COL21A1: variants seen among roughly 807,000 people sequenced by gnomAD.
COL21A1 encodes collagen alpha-1(XXI) chain.
A neutral mutation model predicts 137.9 loss-of-function variants in COL21A1; 149 were observed. The observed-to-expected ratio is 1.08, with a 90% CI of 0.95 to 1.24. The LOEUF (loss-of-function observed/expected upper bound fraction) is 1.24, where lower values mean the gene tolerates loss of function less well. Ranked by LOEUF, COL21A1 falls within the 50% of genes most tolerant of loss-of-function variation. The probability of loss-of-function intolerance (pLI) is 0.00; values close to 1 mark genes in which losing one functional copy is unlikely to be tolerated. For missense variants in COL21A1, 1,167 were observed against 1,158.4 expected (o/e 1.01, Z -0.11); for synonymous variants, 456 against 391.5 (o/e 1.16, Z -1.95).
intron 12 of COL21A1, among the ~76,000 whole-genome samples, chr6:56,136,775 A>C (rs2152230567): frequency 6.6e-6 from 1 of 152,340 alleles, no homozygotes; most frequent in African/African-American, 2.4e-5. Context: ...CATGTCCAAA[A>C]GTCTTTTACT....
chr6:56,274,147 C>A (rs1164763143), intron 1 of COL21A1, among the ~76,000 whole-genome samples: 1 of 152,148 alleles, frequency 6.6e-6, no homozygotes, highest in Non-Finnish European at 1.5e-5. Flanking sequence ...ACAGAAAAAG[C>A]TTTCAATAAA....
At chr6:56,164,776 A>G in intron 8 of COL21A1, 38 bp downstream of exon 8, 3 of 1,533,724 alleles carry the variant, frequency 2.0e-6, no homozygotes, top group Non-Finnish European at 2.7e-6. Context: ...CCACAATACA[A>G]ATATTACCTT....
chr6:56,180,409 C>T (rs1024469113), intron 2 of COL21A1, among the ~76,000 whole-genome samples: 3 of 152,092 alleles, frequency 2.0e-5, no homozygotes, highest in Non-Finnish European at 2.9e-5. Flanking sequence ...GTTAAATGAA[C>T]CAAGATCACC....
intron 29 of COL21A1, among the ~76,000 whole-genome samples, chr6:56,058,145 AATCTTATTTCTTCCTTTC>A (rs1765489087): frequency 6.6e-6 from 1 of 152,106 alleles, no homozygotes; most frequent in Non-Finnish European, 1.5e-5. Flanking sequence ...TGTATTGTCC[AATCTTATTTCTTCCTTTC>A]AGCCTATCTT....
At chr6:56,258,433 C>T (rs538078888) in intron 1 of COL21A1, among the ~76,000 whole-genome samples, 7 of 152,130 alleles carry the variant, frequency 4.6e-5, no homozygotes, top group Admixed American at 2.6e-4. Context: ...CTGCATCCAA[C>T]GGAGGACCTC....
intron 17 of COL21A1, among the ~76,000 whole-genome samples, chr6:56,099,595 C>G (rs1420890045): frequency 6.6e-6 from 1 of 151,896 alleles, no homozygotes; most frequent in Non-Finnish European, 1.5e-5. Context: ...CCCTCTTCCT[C>G]TTTTTCCTTC....
chr6:56,275,673 A>G (rs968429195), intron 1 of COL21A1, among the ~76,000 whole-genome samples: 1 of 152,160 alleles, frequency 6.6e-6, no homozygotes, highest in Admixed American at 6.5e-5. Context: ...AGTGAGATAG[A>G]TACCATCTCA....
chr6:56,261,057 C>A (rs867953834), intron 1 of COL21A1, among the ~76,000 whole-genome samples: 4 of 38,612 alleles, frequency 1.0e-4, no homozygotes, highest in African/African-American at 4.6e-4. Flanking sequence ...TGACACTTCA[C>A]TTTTTATAGA....
chr6:56,158,866 G>A (rs1014030493), intron 9 of COL21A1, among the ~76,000 whole-genome samples: 19 of 152,168 alleles, frequency 1.2e-4, no homozygotes, highest in South Asian at 4.1e-4. Flanking sequence ...AAGAAGAGCC[G>A]TAAATCCAAG....
intron 1 of COL21A1, among the ~76,000 whole-genome samples, chr6:56,254,401 A>G (rs1782922609): frequency 6.6e-6 from 1 of 152,212 alleles, no homozygotes; most frequent in South Asian, 2.1e-4. Flanking sequence ...ATTGAAATGT[A>G]TCTAAAGTGA....
rs777924256 is a variant in COL21A1, at chr6:56,170,630, T to G, written c.1026+19A>C. On this transcript the variant is annotated intron_variant, in intron 5 of 29. Transcript: ENST00000244728. ...CCCCATGAATATCATAATCATGGTA[T>G]TATCCCAGGCATCTTTACCTTAACT... 2.0e-6 allele frequency: 3 copies of G among 1,528,266 alleles called. No individual in the cohort carries two copies. Among genetic ancestry groups the G allele is most frequent in the African/African-American group, 2.7e-5 (2 of 73,408 alleles). 94.7% of individuals were successfully genotyped at this position (1,528,266 alleles called of 1,614,324 possible). A position where few individuals can be genotyped will look rare whatever the true frequency, so the allele number is the denominator to read the frequency against.
At chr6:56,326,169 T>A (rs1178926368) in intron 1 of COL21A1, among the ~76,000 whole-genome samples, 2 of 118,142 alleles carry the variant, frequency 1.7e-5, no homozygotes, top group Non-Finnish European at 3.9e-5. Flanking sequence ...AGATATGTTG[T>A]CTTTAATTAT....
At chr6:56,145,783 A>ACCCC (rs1016419179) in intron 10 of COL21A1, among the ~76,000 whole-genome samples, 9 of 151,422 alleles carry the variant, frequency 5.9e-5, no homozygotes, top group African/African-American at 2.2e-4. Flanking sequence ...TATCCACCCT[A>ACCCC]CCCCCATCTG....
chr6:56,254,783 T>C (rs1257327433), intron 1 of COL21A1, among the ~76,000 whole-genome samples: 2 of 152,192 alleles, frequency 1.3e-5, no homozygotes, highest in African/African-American at 2.4e-5. Flanking sequence ...TTTCTTCAAG[T>C]GCTGCAAAGG....
chr6:56,177,071 A>T (rs576403461), intron 3 of COL21A1, among the ~76,000 whole-genome samples: 1 of 151,938 alleles, frequency 6.6e-6, no homozygotes, highest in South Asian at 2.1e-4. Flanking sequence ...GTAGAAAAAG[A>T]AGTAGTAGTA....
At chr6:56,309,045 CTT>C (rs71809650) in intron 1 of COL21A1, among the ~76,000 whole-genome samples, 157 of 146,064 alleles carry the variant, frequency 1.1e-3, no homozygotes, top group Middle Eastern at 7.3e-3. Context: ...CCTCAATTAT[CTT>C]TTTTTTTTTT....
chr6:56,196,594 G>A (rs981924449), intron 1 of COL21A1, among the ~76,000 whole-genome samples: 4 of 151,968 alleles, frequency 2.6e-5, no homozygotes, highest in Non-Finnish European at 4.4e-5. Flanking sequence ...AACAAATTAA[G>A]AAAGGAATAT....
intron 1 of COL21A1, among the ~76,000 whole-genome samples, chr6:56,240,272 G>C (rs1175561731): frequency 6.6e-6 from 1 of 151,866 alleles, no homozygotes; most frequent in African/African-American, 2.4e-5. Context: ...GCTTTCAGCT[G>C]GCTTTCCCTT....
At chr6:56,382,893 C>T (rs1326672525) in intron 1 of COL21A1, among the ~76,000 whole-genome samples, 4 of 152,174 alleles carry the variant, frequency 2.6e-5, no homozygotes, top group African/African-American at 9.7e-5. Context: ...TCTGGTGCTT[C>T]TGCCATATTG....
Sources: allele counts gnomAD v4.1 joint callset (sites outside exome capture counted in the v4.1 genomes callset), GRCh38; gene constraint gnomAD v4.1.1; transcripts MANE v1.5; gene names NCBI Gene and HGNC (gene_info 2026-07-23, HGNC 2026-07-21).